Variants in COL8A1 observed in about 807,000 individuals in gnomAD.
COL8A1 encodes collagen alpha-1(VIII) chain.
Under a neutral mutation model 42.7 loss-of-function variants are expected in COL8A1, and 21 were observed. The ratio of observed to expected loss-of-function variants is 0.49; its 90% confidence interval spans 0.35 to 0.71. COL8A1 has a LOEUF of 0.71. COL8A1 is among the 30% of genes least tolerant of loss of function. The pLI, the probability that COL8A1 is intolerant of heterozygous loss-of-function variation, is 0.01. For missense variants in COL8A1, 788 were observed against 962.4 expected (o/e 0.82, Z 2.40); for synonymous variants, 367 against 369.1 (o/e 0.99, Z 0.06).
chr3:99,668,881 A>C (rs181297120), intron 1 of COL8A1, among the ~76,000 whole-genome samples: 1 of 152,122 alleles, frequency 6.6e-6, no homozygotes, highest in East Asian at 1.9e-4. Context: ...ACAAATTGAC[A>C]AGTAAATTAC....
intron 1 of COL8A1, among the ~76,000 whole-genome samples, chr3:99,655,029 T>C (rs188993706): frequency 5.9e-4 from 90 of 152,250 alleles, no homozygotes; most frequent in Non-Finnish European, 1.5e-4. Flanking sequence ...TGAAGGATGG[T>C]TTCTACTGCA....
intron 2 of COL8A1, among the ~76,000 whole-genome samples, chr3:99,762,354 C>T (rs1941380676): frequency 1.3e-5 from 2 of 152,286 alleles, no homozygotes; most frequent in East Asian, 1.9e-4. Context: ...GGTCGAGATA[C>T]CGTACTTAAA....
intron 1 of COL8A1, among the ~76,000 whole-genome samples, chr3:99,651,556 C>CA (rs751612254): frequency 3.3e-5 from 5 of 152,242 alleles, no homozygotes; most frequent in Non-Finnish European, 7.3e-5. Flanking sequence ...GGCTTACCAA[C>CA]AGCCCTTCAG....
At chr3:99,714,961 T>C (rs1559615732) in intron 1 of COL8A1, among the ~76,000 whole-genome samples, 1 of 152,084 alleles carries the variant, frequency 6.6e-6, no homozygotes, top group African/African-American at 2.4e-5. Context: ...ACCAAAGGCA[T>C]TGTAAATGCG....
At chr3:99,792,540 T>C (rs1335225680) in intron 3 of COL8A1, among the ~76,000 whole-genome samples, 1 of 152,204 alleles carries the variant, frequency 6.6e-6, no homozygotes, top group Non-Finnish European at 1.5e-5. Flanking sequence ...CAATAACAAT[T>C]TGAGAAACGG....
intron 1 of COL8A1, among the ~76,000 whole-genome samples, chr3:99,674,025 C>T (rs1026999611): frequency 6.6e-6 from 1 of 151,998 alleles, no homozygotes; most frequent in Non-Finnish European, 1.5e-5. Context: ...TCTCCATAAC[C>T]TAGCCCAATG....
At chr3:99,674,678 C>T (rs142651371) in intron 1 of COL8A1, among the ~76,000 whole-genome samples, 1 of 152,048 alleles carries the variant, frequency 6.6e-6, no homozygotes. Flanking sequence ...ATTGAGCTCA[C>T]AATGGCCAGC....
intron 2 of COL8A1, among the ~76,000 whole-genome samples, chr3:99,789,511 G>T (rs1941955765): frequency 1.3e-5 from 2 of 152,168 alleles, no homozygotes; most frequent in Non-Finnish European, 2.9e-5. Context: ...CAGGGAGTGG[G>T]CAGGCAGAAT....
At chr3:99,665,383 A>G (rs1270808102) in intron 1 of COL8A1, among the ~76,000 whole-genome samples, 1 of 152,170 alleles carries the variant, frequency 6.6e-6, no homozygotes, top group Non-Finnish European at 1.5e-5. Flanking sequence ...CATGGAGGAG[A>G]GGGAAAGTGT....
chr3:99,766,524 C>A (rs1247536800), intron 2 of COL8A1, among the ~76,000 whole-genome samples: 1 of 152,224 alleles, frequency 6.6e-6, no homozygotes, highest in Non-Finnish European at 1.5e-5. Context: ...TTTAACAATA[C>A]TTCATTTTCC....
At chr3:99,774,210 G>A (rs1488127132) in intron 2 of COL8A1, among the ~76,000 whole-genome samples, 1 of 150,894 alleles carries the variant, frequency 6.6e-6, no homozygotes, top group Non-Finnish European at 1.5e-5. Flanking sequence ...GATTGTGTTA[G>A]AAGCCGGAAC....
chr3:99,762,971 T>G (rs1292908480), intron 2 of COL8A1, among the ~76,000 whole-genome samples: 2 of 152,174 alleles, frequency 1.3e-5, no homozygotes, highest in Non-Finnish European at 2.9e-5. Flanking sequence ...CCTCTTTAAC[T>G]GCACGCTTTT....
At chr3:99,663,410 C>T (rs1192496797) in intron 1 of COL8A1, among the ~76,000 whole-genome samples, 2 of 152,106 alleles carry the variant, frequency 1.3e-5, no homozygotes, top group Non-Finnish European at 2.9e-5. Context: ...TCAAAATTGT[C>T]GTTTCCTGCT....
At chr3:99,776,776 A>G (rs1361561840) in intron 2 of COL8A1, among the ~76,000 whole-genome samples, 1 of 152,238 alleles carries the variant, frequency 6.6e-6, no homozygotes, top group Non-Finnish European at 1.5e-5. Flanking sequence ...TCTTGATTAT[A>G]TGCTAAACAA....
intron 1 of COL8A1, among the ~76,000 whole-genome samples, chr3:99,744,499 A>G (rs1940980807): frequency 6.6e-6 from 1 of 152,234 alleles, no homozygotes; most frequent in African/African-American, 2.4e-5. Context: ...TAACTCAAAT[A>G]CTGCTATATG....
intron 1 of COL8A1, among the ~76,000 whole-genome samples, chr3:99,668,290 T>G (rs1576421945): frequency 1.3e-5 from 2 of 152,308 alleles, no homozygotes; most frequent in East Asian, 3.9e-4. Flanking sequence ...AGCTGTTAAA[T>G]GTCATGCTAC....
At chr3:99,765,146 G>C (rs1941438460) in intron 2 of COL8A1, among the ~76,000 whole-genome samples, 1 of 152,120 alleles carries the variant, frequency 6.6e-6, no homozygotes, top group Non-Finnish European at 1.5e-5. Flanking sequence ...AATGTAACAA[G>C]TTACATTATG....
At chr3:99,695,260 A>G (rs1221404547) in intron 1 of COL8A1, among the ~76,000 whole-genome samples, 2 of 152,232 alleles carry the variant, frequency 1.3e-5, no homozygotes. Context: ...TACATTAGTC[A>G]TAGTAGTCCC....
chr3:99,644,049 AC>A (rs1169440670), intron 1 of COL8A1, among the ~76,000 whole-genome samples: 1 of 152,154 alleles, frequency 6.6e-6, no homozygotes, highest in African/African-American at 2.4e-5. Context: ...TAGAGACAAG[AC>A]AGTGAAGCTA....
Sources: gnomAD v4.1 joint callset for allele counts (sites outside exome capture counted in the v4.1 genomes callset) on GRCh38, gnomAD v4.1.1 for gene constraint, MANE v1.5 for transcripts, NCBI Gene and HGNC (gene_info 2026-07-23, HGNC 2026-07-21) for gene names.